PPARGC1B: variants seen among roughly 807,000 people sequenced by gnomAD.
PPARGC1B encodes peroxisome proliferator-activated receptor gamma coactivator 1-beta.
PPARGC1B carries 34 observed loss-of-function variants against 101.6 expected under a neutral mutation model. The ratio of observed to expected loss-of-function variants is 0.33; its 90% CI spans 0.25 to 0.45. The LOEUF (loss-of-function observed/expected upper bound fraction) is 0.45, where lower values mean the gene tolerates loss of function less well. Ranked by LOEUF, PPARGC1B falls within the 20% of genes least tolerant of loss-of-function variation. The pLI, the probability that PPARGC1B is intolerant of heterozygous loss-of-function variation, is 1.00. For missense variants in PPARGC1B, 1,234 were observed against 1,317.6 expected, an observed-to-expected ratio of 0.94 and a Z score of 0.98; for synonymous variants, 548 against 539.3, an observed-to-expected ratio of 1.02 and a Z score of -0.22.
intron 1 of PPARGC1B, among the ~76,000 whole-genome samples, chr5:149,779,169 A>G (rs538925931): frequency 6.6e-6 from 1 of 152,234 alleles, no homozygotes; most frequent in East Asian, 1.9e-4. Flanking sequence ...AGGAGTCCTG[A>G]ATTTTGAGTC....
intron 1 of PPARGC1B, among the ~76,000 whole-genome samples, chr5:149,812,296 G>T (rs2113330001): frequency 6.6e-6 from 1 of 152,312 alleles, no homozygotes; most frequent in African/African-American, 2.4e-5. Context: ...TTAACTTTGT[G>T]TTTGTGGCTT....
At chr5:149,827,592 T>C (rs1008525364) in intron 3 of PPARGC1B, among the ~76,000 whole-genome samples, 1 of 152,218 alleles carries the variant, frequency 6.6e-6, no homozygotes, top group South Asian at 2.1e-4. Flanking sequence ...ATGGACAAAT[T>C]CTTAAAAATG....
At position 149,842,592 on chromosome 5, in the gene PPARGC1B, C is replaced by T. The variant is rs6879670; in HGVS notation, c.2816+215C>T. On this transcript the variant is annotated intron_variant, in intron 10 of 11. Transcript: ENST00000309241. ...TGCTGATGGTTTACGAAGTGCCAGG[C>T]AGTTTCCTTTCATTCTTTTATCTAA... 0.076 allele frequency among the ~76,000 whole-genome samples: 11,584 copies of T among 152,340 alleles called. 752 individuals are homozygous for T. The highest frequency in any genetic ancestry group is 0.17 in the African/African-American group (7,200 of 41,566).
intron 1 of PPARGC1B, among the ~76,000 whole-genome samples, chr5:149,815,063 C>T (rs763980367): frequency 6.6e-6 from 1 of 152,254 alleles, no homozygotes; most frequent in Non-Finnish European, 1.5e-5. Flanking sequence ...TTGAATGTTC[C>T]TTCTCACTTT....
Position 149,833,923 on chromosome 5 carries a change from G to T in PPARGC1B, c.1705+145G>T. ...TTTGGACAAGTCCCTTCCCCTCCCT[G>T]GCTTTCAGCTTTTCTTTGGGCTAGT... On this transcript the variant is annotated intron_variant, in intron 5 of 11. Coordinates refer to ENST00000309241, the MANE Select transcript of PPARGC1B (RefSeq NM_133263.4). The surrounding 1 kb of genome is among the most constrained non-coding windows in gnomAD (Gnocchi z 4.1). 1 of 1,258,822 alleles carries T rather than the reference G, an allele frequency of 7.9e-7. No homozygotes were observed. Among genetic ancestry groups the T allele is most frequent in the Non-Finnish European group, 1.0e-6 (1 of 980,084 alleles). The allele number at this position is 1,258,822 out of a possible 1,614,324, so 78.0% of individuals were successfully genotyped here.
At chr5:149,791,902 A>C (rs1757036278) in intron 1 of PPARGC1B, among the ~76,000 whole-genome samples, 1 of 152,190 alleles carries the variant, frequency 6.6e-6, no homozygotes, top group South Asian at 2.1e-4. Context: ...TTTATTCAAC[A>C]AACACTGGAT....
chr5:149,754,416 T>C (rs1251511077), intron 1 of PPARGC1B, among the ~76,000 whole-genome samples: 1 of 152,176 alleles, frequency 6.6e-6, no homozygotes, highest in Non-Finnish European at 1.5e-5. Flanking sequence ...ACTAAGTCAG[T>C]TAAACTCTCT....
chr5:149,787,495 AC>A (rs1157033132), intron 1 of PPARGC1B, among the ~76,000 whole-genome samples: 2 of 152,224 alleles, frequency 1.3e-5, no homozygotes, highest in Non-Finnish European at 2.9e-5. Flanking sequence ...CAAATTACCT[AC>A]CATACCTTTT....
chr5:149,820,882 G>A (rs1252373103), intron 2 of PPARGC1B, among the ~76,000 whole-genome samples: 8 of 152,108 alleles, frequency 5.3e-5, no homozygotes, highest in African/African-American at 1.9e-4. Context: ...CCCTTCGTGT[G>A]CCACAGAGGT....
At chr5:149,805,593 C>T (rs1358173988) in intron 1 of PPARGC1B, among the ~76,000 whole-genome samples, 1 of 152,286 alleles carries the variant, frequency 6.6e-6, no homozygotes, top group Non-Finnish European at 1.5e-5. Context: ...GCGTGCACCA[C>T]CACGCCTGGC....
At chr5:149,760,865 C>T (rs1164482121) in intron 1 of PPARGC1B, among the ~76,000 whole-genome samples, 2 of 152,178 alleles carry the variant, frequency 1.3e-5, no homozygotes, top group Non-Finnish European at 2.9e-5. Flanking sequence ...GGAGAGCTTG[C>T]TCATCTTGAA....
At chr5:149,797,552 CT>C (rs879757678) in intron 1 of PPARGC1B, among the ~76,000 whole-genome samples, 2 of 152,100 alleles carry the variant, frequency 1.3e-5, no homozygotes, top group Non-Finnish European at 2.9e-5. Context: ...ATAACAGATT[CT>C]TTTTTTATTA....
intron 1 of PPARGC1B, among the ~76,000 whole-genome samples, chr5:149,807,961 T>TA (rs1428176512): frequency 9.2e-5 from 14 of 152,186 alleles, no homozygotes; most frequent in Non-Finnish European, 1.6e-4. Flanking sequence ...AAGGAGATGC[T>TA]AAAAAACTCA....
chr5:149,846,158 G>A (rs540376982), intron 11 of PPARGC1B: 21 of 597,306 alleles, frequency 3.5e-5, no homozygotes, highest in Middle Eastern at 3.4e-4. Flanking sequence ...AGCCTCCCAC[G>A]GCCTCTAGGA....
chr5:149,735,727 A>G (rs1257739915), intron 1 of PPARGC1B, among the ~76,000 whole-genome samples: 1 of 152,250 alleles, frequency 6.6e-6, no homozygotes, highest in East Asian at 1.9e-4. Context: ...CAGTGTTCCC[A>G]GACTATTTGA....
intron 2 of PPARGC1B, 115 bp downstream of exon 2, chr5:149,820,721 C>T: frequency 1.8e-6 from 2 of 1,094,702 alleles, no homozygotes; most frequent in Non-Finnish European, 1.3e-6. Flanking sequence ...GAAATCCCCT[C>T]ACCCACCAAA....
rs775261889 is a variant in PPARGC1B at position 149,832,967 on chromosome 5, C to T, written c.894C>T (p.Cys298=). 1 of 1,613,348 alleles carries T rather than the reference C, an allele frequency of 6.2e-7. No individual in the cohort carries two copies. The highest frequency in any genetic ancestry group is 1.1e-5 in the South Asian group (1 of 91,088). The change falls in exon 5 of 12, where the codon TGC becomes TGT. Residue 298 remains cysteine (C), a synonymous_variant. Coordinates refer to ENST00000309241, the MANE Select transcript of PPARGC1B (RefSeq NM_133263.4). The surrounding 1 kb of genome is among the most constrained non-coding windows in gnomAD (Gnocchi z 4.9). ...TCATACGCTACATGCACACCTACTG[C>T]CTCCCCCAGAGGAAGCTGCCCCCAC... is the stretch of plus-strand genomic sequence containing the variant. ...VQLIRYMHTY[C]LPQRKLPPQT...
intron 1 of PPARGC1B, among the ~76,000 whole-genome samples, chr5:149,764,825 A>C (rs1755845945): frequency 6.6e-6 from 1 of 152,258 alleles, no homozygotes. Flanking sequence ...AACTATAGGA[A>C]GTTGGCATGA....
intron 1 of PPARGC1B, among the ~76,000 whole-genome samples, chr5:149,756,693 C>T (rs1755533645): frequency 6.6e-6 from 1 of 152,142 alleles, no homozygotes; most frequent in African/African-American, 2.4e-5. Flanking sequence ...TCTGTAGACT[C>T]TGCAGATCAC....
Sources: allele counts gnomAD v4.1 joint callset (sites outside exome capture counted in the v4.1 genomes callset), GRCh38; gene constraint gnomAD v4.1.1; non-coding constraint Gnocchi (gnomAD v3.1); transcripts MANE v1.5; gene names NCBI Gene and HGNC (gene_info 2026-07-23, HGNC 2026-07-21).